The following IQGAP2 variants were observed in gnomAD, a reference collection of about 807,000 sequenced individuals.
The protein encoded by IQGAP2 is IQ motif containing GTPase activating protein 2.
Under a neutral mutation model 201.3 loss-of-function variants are expected in IQGAP2, and 173 were observed. The ratio of observed to expected loss-of-function variants is 0.86; its 90% CI spans 0.76 to 0.98. IQGAP2 has a LOEUF of 0.98. IQGAP2 is among the 50% of genes least tolerant of loss of function. The pLI is 0.00. For missense variants in IQGAP2, 1,687 were observed against 1,864.8 expected (o/e 0.90, Z 1.76); for synonymous variants, 675 against 673.9 (o/e 1.00, Z -0.03).
intron 33 of IQGAP2, among the ~76,000 whole-genome samples, chr5:76,700,100 C>G (rs1747230352): frequency 6.6e-6 from 1 of 152,050 alleles, no homozygotes; most frequent in African/African-American, 2.4e-5. Flanking sequence ...TATACATATA[C>G]ATGCAAGGAA....
intron 2 of IQGAP2, among the ~76,000 whole-genome samples, chr5:76,533,143 T>C (rs1759411241): frequency 6.6e-6 from 1 of 152,096 alleles, no homozygotes; most frequent in Non-Finnish European, 1.5e-5. Flanking sequence ...TTCTTAGTTA[T>C]CTCCTTTTTG....
chr5:76,690,896 C>T (rs77832468), intron 30 of IQGAP2, among the ~76,000 whole-genome samples: 2,814 of 152,340 alleles, frequency 0.018, 90 homozygotes, highest in African/African-American at 0.063. Flanking sequence ...ACAGCTTTAA[C>T]GACCATGTGA....
At position 76,562,532 on chromosome 5, in the gene IQGAP2, G is replaced by A; in HGVS notation, c.283G>A (p.Val95Met). Residue 95 changes from valine to methionine, a missense_variant, in exon 3 of 36, where the codon GTG becomes ATG. Physicochemically the swap from Val to Met is conservative, Grantham distance 21. Transcript: ENST00000274364. ...GGTATCAGAGAAAAAGATCTATGAT[G>A]TGGAACAAACACGTTATAAGGTAAC... ...KMVSEKKIYD[V>M]EQTRYKKSGL... 4 of 1,613,888 alleles carry A rather than the reference G, an allele frequency of 2.5e-6. No individual in the cohort carries two copies. The highest frequency in any genetic ancestry group is 3.4e-6 in the Non-Finnish European group (4 of 1,179,928).
At chr5:76,567,218 A>G (rs1046806440) in intron 3 of IQGAP2, among the ~76,000 whole-genome samples, 3 of 152,194 alleles carry the variant, frequency 2.0e-5, no homozygotes, top group Non-Finnish European at 4.4e-5. Context: ...AAGTGGGAAT[A>G]CAGATTGAAT....
chr5:76,445,358 T>G (rs1482582552), intron 1 of IQGAP2, among the ~76,000 whole-genome samples: 3 of 152,120 alleles, frequency 2.0e-5, no homozygotes, highest in African/African-American at 7.2e-5. Flanking sequence ...AGGGCTGTTG[T>G]GAAGATTAAA....
chr5:76,628,678 T>G (rs1157400473), intron 14 of IQGAP2: 2 of 456,020 alleles, frequency 4.4e-6, no homozygotes, highest in African/African-American at 4.0e-5. Flanking sequence ...TTTGTCTTAC[T>G]CCACAGATGG....
At chr5:76,565,623 C>T (rs112856694) in intron 3 of IQGAP2, among the ~76,000 whole-genome samples, 2,813 of 152,262 alleles carry the variant, frequency 0.018, 84 homozygotes, top group African/African-American at 0.063. Context: ...GGGCAGGCAC[C>T]GTATGTGCCT....
chr5:76,478,049 T>C (rs1755550825), intron 2 of IQGAP2, among the ~76,000 whole-genome samples: 1 of 152,190 alleles, frequency 6.6e-6, no homozygotes, highest in African/African-American at 2.4e-5. Flanking sequence ...GTTAATTTAT[T>C]ATTGAAGAAA....
At position 76,470,490 on chromosome 5, in the gene IQGAP2, T is replaced by C. The variant is rs1432766216; in HGVS notation, c.146+8821T>C. Among the ~76,000 whole-genome samples, 3 of 152,188 alleles carry C rather than the reference T, an allele frequency of 2.0e-5. No individual in the cohort carries two copies. The Middle Eastern group carries it at 9.5e-3, about 482-fold the overall frequency. On this transcript the variant is annotated intron_variant, in intron 2 of 35. Coordinates refer to ENST00000274364, the MANE Select transcript of IQGAP2 (RefSeq NM_006633.5). The stretch of plus-strand genomic sequence containing the variant: ...GAGGATAAAATTATTTTTGTTACTA[T>C]TAGAAACTCAATCAGAAATTGAATC...
At chr5:76,591,106 A>G (rs1225559768) in intron 8 of IQGAP2, among the ~76,000 whole-genome samples, 1 of 152,118 alleles carries the variant, frequency 6.6e-6, no homozygotes, top group African/African-American at 2.4e-5. Context: ...CAATTTTTAG[A>G]AAGGGAATTT....
chr5:76,631,828 T>A (rs1334010357), intron 14 of IQGAP2, 31 bp from the exon 15 acceptor site: 3 of 1,518,334 alleles, frequency 2.0e-6, no homozygotes, highest in Non-Finnish European at 2.7e-6. Flanking sequence ...AAGATAACCA[T>A]TAACAAGAAA....
chr5:76,546,689 G>T (rs1743118749), intron 2 of IQGAP2, among the ~76,000 whole-genome samples: 1 of 152,146 alleles, frequency 6.6e-6, no homozygotes, highest in Non-Finnish European at 1.5e-5. Context: ...GTCAGGATTG[G>T]CAGTAACTCA....
Position 76,620,671 on chromosome 5 carries a change from GAGT to G in IQGAP2, c.1522-6738_1522-6736del, listed in dbSNP as rs1749564676. ...TGGAGGCTCTCGTTTAATTTAATGG[GAGT>G]GGTTGAGATGGCCTAGGGGGAGTTA... On this transcript the variant is annotated intron_variant, in intron 13 of 35. Coordinates refer to ENST00000274364, the MANE Select transcript of IQGAP2 (RefSeq NM_006633.5). 2.0e-5 allele frequency among the ~76,000 whole-genome samples: 3 copies of G among 152,274 alleles called. No individual in the cohort carries two copies. In the East Asian group the frequency reaches 5.8e-4, roughly 29 times the overall value.
At chr5:76,446,629 C>A (rs1225307636) in intron 1 of IQGAP2, among the ~76,000 whole-genome samples, 1 of 152,116 alleles carries the variant, frequency 6.6e-6, no homozygotes, top group Non-Finnish European at 1.5e-5. Context: ...CCTTTGCACT[C>A]TACTTTTAAG....
intron 10 of IQGAP2, 101 bp from the exon 11 acceptor site, chr5:76,600,711 T>A: frequency 7.1e-7 from 1 of 1,409,508 alleles, no homozygotes; most frequent in Non-Finnish European, 9.8e-7. Flanking sequence ...TATCAAGTTC[T>A]TTGACTTTTT....
chr5:76,703,194 C>A (rs1224923093), intron 35 of IQGAP2, among the ~76,000 whole-genome samples: 1 of 151,908 alleles, frequency 6.6e-6, no homozygotes, highest in Non-Finnish European at 1.5e-5. Context: ...CTTGCTCTGT[C>A]GCCCAGGCTG....
intron 3 of IQGAP2, 112 bp downstream of exon 3, chr5:76,562,664 G>A (rs1476318583): frequency 1.1e-6 from 1 of 919,404 alleles, no homozygotes; most frequent in Non-Finnish European, 1.7e-6. Context: ...GGGGGCTGGG[G>A]GATGTCTTTG....
At chr5:76,554,613 T>A (rs1412247185) in intron 2 of IQGAP2, among the ~76,000 whole-genome samples, 1 of 152,156 alleles carries the variant, frequency 6.6e-6, no homozygotes, top group Non-Finnish European at 1.5e-5. Flanking sequence ...CATAATGAGA[T>A]GCCACTTTGC....
intron 5 of IQGAP2, among the ~76,000 whole-genome samples, chr5:76,581,985 C>T (rs1745903670): frequency 6.6e-6 from 1 of 152,226 alleles, no homozygotes; most frequent in Non-Finnish European, 1.5e-5. Flanking sequence ...CAAAGGTTAA[C>T]ACAAATGGAG....
Sources: allele counts gnomAD v4.1 joint callset (sites outside exome capture counted in the v4.1 genomes callset), GRCh38; gene constraint gnomAD v4.1.1; transcripts MANE v1.5; gene names NCBI Gene and HGNC (gene_info 2026-07-23, HGNC 2026-07-21).